Variants in TMPRSS15 observed in about 807,000 individuals in gnomAD.
TMPRSS15 encodes the protein enteropeptidase.
Under a neutral mutation model 125.3 loss-of-function variants are expected in TMPRSS15, and 128 were observed. That is an observed-to-expected ratio of 1.02 (90% CI 0.89 to 1.18). TMPRSS15 has a LOEUF of 1.18. Among genes scored for constraint, TMPRSS15 ranks in the 50% most tolerant of loss-of-function variants. The probability of loss-of-function intolerance (pLI) is 0.00; values close to 1 mark genes in which losing one functional copy is unlikely to be tolerated. For missense variants in TMPRSS15, 1,283 were observed against 1,212.7 expected, an observed-to-expected ratio of 1.06 and a Z score of -0.86; for synonymous variants, 446 against 423.2, an observed-to-expected ratio of 1.05 and a Z score of -0.66.
intron 1 of TMPRSS15, among the ~76,000 whole-genome samples, chr21:18,463,368 C>T (rs1321094248): frequency 1.3e-5 from 2 of 150,566 alleles, no homozygotes; most frequent in African/African-American, 4.9e-5. Flanking sequence ...GGCATTACCT[C>T]ATGGTAAAGG....
chr21:18,422,194 G>A (rs1041349063), intron 1 of TMPRSS15, among the ~76,000 whole-genome samples: 2 of 151,964 alleles, frequency 1.3e-5, no homozygotes, highest in Admixed American at 6.5e-5. Context: ...CCATGTTGGC[G>A]AGATTGGTCT....
chr21:18,340,536 A>T (rs1316265454), intron 13 of TMPRSS15, among the ~76,000 whole-genome samples: 1 of 152,172 alleles, frequency 6.6e-6, no homozygotes, highest in Non-Finnish European at 1.5e-5. Flanking sequence ...ACTCTGTTTC[A>T]TATACACATC....
chr21:18,430,978 G>T (rs1840935276), intron 1 of TMPRSS15, among the ~76,000 whole-genome samples: 1 of 152,134 alleles, frequency 6.6e-6, no homozygotes, highest in Non-Finnish European at 1.5e-5. Flanking sequence ...ATGTTAGTTT[G>T]CTTAGCATGT....
intron 10 of TMPRSS15, among the ~76,000 whole-genome samples, chr21:18,346,940 G>A (rs778144642): frequency 3.9e-5 from 6 of 152,002 alleles, no homozygotes; most frequent in South Asian, 2.1e-4. Context: ...GTCATTTTCC[G>A]GCTATTGCAC....
rs776946971 is a variant in TMPRSS15 at position 18,326,504 on chromosome 21, T to TGA, written c.1847_1848dup (p.Ile617SerfsTer44). 2 of 1,614,176 alleles carry TGA rather than the reference T, an allele frequency of 1.2e-6. No individual in the cohort carries two copies. The highest frequency in any genetic ancestry group is 2.2e-5 in the South Asian group (2 of 91,088). ...CCTCTTGCCAACACATCGTTAGTGA[T>TGA]GAGAAGCACAGTCATTCTGTTGGTG... On this transcript the variant is annotated frameshift_variant, in exon 16 of 25. Transcript: ENST00000284885. LOFTEE classifies it high-confidence loss of function.
intron 18 of TMPRSS15, among the ~76,000 whole-genome samples, chr21:18,312,518 T>C (rs1443443053): frequency 6.6e-6 from 1 of 151,176 alleles, no homozygotes; most frequent in African/African-American, 2.4e-5. Flanking sequence ...ACAATTGTAC[T>C]TCTATAAATT....
intron 24 of TMPRSS15, among the ~76,000 whole-genome samples, chr21:18,272,933 A>ATACTT (rs1436245893): frequency 6.6e-6 from 1 of 152,160 alleles, no homozygotes; most frequent in African/African-American, 2.4e-5. Context: ...ATTACTTCTC[A>ATACTT]TACTTTAGTG....
At chr21:18,414,060 A>G (rs2076174248) in intron 1 of TMPRSS15, among the ~76,000 whole-genome samples, 1 of 152,236 alleles carries the variant, frequency 6.6e-6, no homozygotes, top group South Asian at 2.1e-4. Context: ...TAGAAATATT[A>G]TAGACTTAAG....
chr21:18,432,421 C>CA (rs2076217942), intron 1 of TMPRSS15, among the ~76,000 whole-genome samples: 2 of 152,142 alleles, frequency 1.3e-5, no homozygotes, highest in South Asian at 4.1e-4. Context: ...TCCTAAATCT[C>CA]AGTACCTCAG....
chr21:18,477,133 T>C (rs1978895585), intron 1 of TMPRSS15, among the ~76,000 whole-genome samples: 1 of 152,208 alleles, frequency 6.6e-6, no homozygotes, highest in Non-Finnish European at 1.5e-5. Context: ...GTGTCATCTA[T>C]GGCAAGTTGT....
At chr21:18,285,492 C>T (rs2074751635) in intron 21 of TMPRSS15, among the ~76,000 whole-genome samples, 1 of 152,198 alleles carries the variant, frequency 6.6e-6, no homozygotes, top group South Asian at 2.1e-4. Context: ...TTGCACCATG[C>T]CAACACTGAT....
At position 18,280,715 on chromosome 21, in the gene TMPRSS15, C is replaced by A. The variant is rs532203925; in HGVS notation, c.2668+325G>T. ...CTTACTCTGCTTTTTGGTAGATGAA[C>A]CTACCTTTCTTTTACATGAAAAATA... On this transcript the variant is annotated intron_variant, in intron 22 of 24. Transcript: ENST00000284885. Among the ~76,000 whole-genome samples the A allele has an allele frequency of 7.9e-5, 12 of 151,976 alleles. No individual in the cohort carries two copies. In the East Asian group the frequency reaches 2.1e-3, roughly 27 times the overall value.
At chr21:18,376,710 G>T (rs968683502) in intron 5 of TMPRSS15, among the ~76,000 whole-genome samples, 2 of 152,034 alleles carry the variant, frequency 1.3e-5, no homozygotes, top group African/African-American at 4.8e-5. Context: ...CCCCCTCTAG[G>T]CACGCTGTAG....
At chr21:18,450,379 T>C (rs934448725) in intron 1 of TMPRSS15, among the ~76,000 whole-genome samples, 4 of 152,136 alleles carry the variant, frequency 2.6e-5, no homozygotes, top group Non-Finnish European at 4.4e-5. Flanking sequence ...TGTGATTCAG[T>C]TTCACATGGC....
rs959781768 is a variant in TMPRSS15, at chr21:18,300,278, TTCTC to T, written c.2166-2453_2166-2450del. On this transcript the variant is annotated intron_variant, in intron 18 of 24. Transcript: ENST00000284885. ...CTTTCTCTCTTTCTTTCTCTCTTCT[TTCTC>T]TCTCTCTTTCTTTCTCTCTCTCTCT... Among the ~76,000 whole-genome samples the T allele has an allele frequency of 4.1e-5, 6 of 147,858 alleles. No individual in the cohort carries two copies. The South Asian group carries it at 6.6e-4, about 16-fold the overall frequency.
intron 10 of TMPRSS15, among the ~76,000 whole-genome samples, chr21:18,348,494 T>C (rs551404030): frequency 1.6e-4 from 25 of 152,296 alleles, no homozygotes; most frequent in African/African-American, 6.0e-4. Context: ...TAAATACATA[T>C]GTAAAATTAG....
intron 1 of TMPRSS15, among the ~76,000 whole-genome samples, chr21:18,472,478 T>C (rs1013057175): frequency 7.5e-4 from 99 of 131,170 alleles, no homozygotes; most frequent in African/African-American, 2.5e-3. Context: ...TATATATATA[T>C]ATACACACAC....
intron 7 of TMPRSS15, among the ~76,000 whole-genome samples, chr21:18,361,002 A>G (rs2075675009): frequency 6.6e-6 from 1 of 152,248 alleles, no homozygotes; most frequent in African/African-American, 2.4e-5. Context: ...TATATGACTC[A>G]AGGACAGGGA....
chr21:18,284,129 T>C (rs867026616), intron 21 of TMPRSS15, among the ~76,000 whole-genome samples: 1 of 152,190 alleles, frequency 6.6e-6, no homozygotes. Flanking sequence ...AGCAGCACCA[T>C]GGATAGGAAA....
Sources: allele counts gnomAD v4.1 joint callset (sites outside exome capture counted in the v4.1 genomes callset), GRCh38; gene constraint gnomAD v4.1.1; transcripts MANE v1.5; gene names NCBI Gene and HGNC (gene_info 2026-07-23, HGNC 2026-07-21).